CFAP58: variants seen among roughly 807,000 people sequenced by gnomAD.
The protein encoded by CFAP58 is cilia and flagella associated protein 58, also known as cilia- and flagella-associated protein 58.
In CFAP58, 88 loss-of-function variants were observed where a neutral mutation model predicts 119.5. The ratio of observed to expected loss-of-function variants is 0.74; its 90% confidence interval spans 0.62 to 0.88. The LOEUF (loss-of-function observed/expected upper bound fraction) is 0.88, where lower values mean the gene tolerates loss of function less well. Ranked by LOEUF, CFAP58 falls within the 40% of genes least tolerant of loss-of-function variation. The pLI is 0.00. For synonymous variants in CFAP58, 365 were observed against 366.3 expected (o/e 1.00, Z 0.04); for missense variants, 990 against 1,021.2 (o/e 0.97, Z 0.42).
intron 9 of CFAP58, among the ~76,000 whole-genome samples, chr10:104,381,024 C>T (rs1256576010): frequency 6.6e-6 from 1 of 151,950 alleles, no homozygotes; most frequent in African/African-American, 2.4e-5. Context: ...GTGGTGTGCT[C>T]CTATGATCCC....
intron 15 of CFAP58, among the ~76,000 whole-genome samples, chr10:104,421,240 C>A (rs1016957701): frequency 6.6e-6 from 1 of 152,212 alleles, no homozygotes; most frequent in Admixed American, 6.5e-5. Flanking sequence ...ACACCTATGA[C>A]AAGAAATGAA....
At chr10:104,409,118 T>C (rs1218283371) in intron 15 of CFAP58, among the ~76,000 whole-genome samples, 2 of 151,886 alleles carry the variant, frequency 1.3e-5, no homozygotes, top group African/African-American at 2.4e-5. Context: ...AAAAATTATT[T>C]AGTTCCTTTC....
At chr10:104,404,865 G>A (rs771205639) in intron 14 of CFAP58, among the ~76,000 whole-genome samples, 3 of 152,174 alleles carry the variant, frequency 2.0e-5, no homozygotes, top group Non-Finnish European at 2.9e-5. Context: ...CCAAAGTGCT[G>A]GGATTACAGG....
At chr10:104,377,345 G>T (rs1439866921) in intron 8 of CFAP58, among the ~76,000 whole-genome samples, 1 of 152,168 alleles carries the variant, frequency 6.6e-6, no homozygotes, top group African/African-American at 2.4e-5. Flanking sequence ...TTTCAGGGTT[G>T]CTGTAGGTTT....
intron 15 of CFAP58, among the ~76,000 whole-genome samples, chr10:104,407,023 T>C (rs1462787066): frequency 6.6e-6 from 1 of 152,246 alleles, no homozygotes; most frequent in Non-Finnish European, 1.5e-5. Context: ...CTAGACTTAC[T>C]GCAATGGGTA....
chr10:104,409,748 G>A (rs1255601947), intron 15 of CFAP58, among the ~76,000 whole-genome samples: 1 of 151,922 alleles, frequency 6.6e-6, no homozygotes, highest in Non-Finnish European at 1.5e-5. Context: ...AATTTGCCTA[G>A]TATTAACATA....
chr10:104,359,670 GC>G (rs1222847454), intron 2 of CFAP58, among the ~76,000 whole-genome samples: 1 of 152,146 alleles, frequency 6.6e-6, no homozygotes, highest in Non-Finnish European at 1.5e-5. Context: ...GGTGGCATAT[GC>G]CTGTAATCCC....
At chr10:104,350,522 G>A (rs1366451232), upstream of CFAP58, among the ~76,000 whole-genome samples, 1 of 152,126 alleles carries the variant, frequency 6.6e-6, no homozygotes, top group Non-Finnish European at 1.5e-5. Flanking sequence ...GATGCCCCCT[G>A]CATCTCTTTC....
At chr10:104,406,339 T>A (rs2012358829) in intron 14 of CFAP58, among the ~76,000 whole-genome samples, 1 of 152,184 alleles carries the variant, frequency 6.6e-6, no homozygotes, top group Non-Finnish European at 1.5e-5. Flanking sequence ...AAGTATAATG[T>A]TGTATAAAAA....
chr10:104,407,543 C>T lies in CFAP58; in HGVS notation c.2256+750C>T, dbSNP rs193150401. Among the ~76,000 whole-genome samples the T allele has an allele frequency of 3.9e-5, 6 of 152,190 alleles. No homozygotes were observed. The East Asian group carries it at 9.6e-4, about 24-fold the overall frequency. ...GCTATGTCAGTTTAACTTCATTGCA[C>T]CTGATGTTCTTAGTCTGTATTATGG... On this transcript the variant is annotated intron_variant, in intron 15 of 17. Coordinates refer to ENST00000369704, the MANE Select transcript of CFAP58 (RefSeq NM_001008723.2).
chr10:104,419,768 T>C (rs928369058), intron 15 of CFAP58, among the ~76,000 whole-genome samples: 2 of 152,146 alleles, frequency 1.3e-5, no homozygotes, highest in African/African-American at 4.8e-5. Flanking sequence ...GGAGATTATA[T>C]TAACATATAT....
chr10:104,353,583 G>C (rs1042503594), upstream of CFAP58: 1 of 403,136 alleles, frequency 2.5e-6, no homozygotes, highest in Non-Finnish European at 4.6e-6. Context: ...CCCACACCGT[G>C]GGACTCCTCC....
At chr10:104,440,691 A>G (rs968400685) in intron 15 of CFAP58, among the ~76,000 whole-genome samples, 1 of 152,236 alleles carries the variant, frequency 6.6e-6, no homozygotes. Flanking sequence ...TAATCGTCAT[A>G]GAGACAATGG....
intron 17 of CFAP58, among the ~76,000 whole-genome samples, chr10:104,452,682 G>T (rs1326725624): frequency 6.6e-6 from 1 of 152,236 alleles, no homozygotes; most frequent in South Asian, 2.1e-4. Flanking sequence ...CAGTTCCTCA[G>T]TCTCACTAGT....
At chr10:104,399,061 G>A (rs1345845653) in intron 11 of CFAP58, among the ~76,000 whole-genome samples, 1 of 152,092 alleles carries the variant, frequency 6.6e-6, no homozygotes, top group Non-Finnish European at 1.5e-5. Flanking sequence ...ATGAAGTGCT[G>A]CTGAATACCA....
chr10:104,400,938 G>GT, intron 13 of CFAP58, 35 bp downstream of exon 13: 1 of 1,503,338 alleles, frequency 6.7e-7, no homozygotes, highest in Non-Finnish European at 9.2e-7. Context: ...TGAAGGCACA[G>GT]TGCAACGTGG....
chr10:104,448,626 C>T (rs1039991763), intron 16 of CFAP58, among the ~76,000 whole-genome samples: 10 of 152,158 alleles, frequency 6.6e-5, no homozygotes, highest in African/African-American at 2.4e-4. Flanking sequence ...AAAATATATG[C>T]CACCCTACTA....
At chr10:104,413,743 CATCATCAAG>C (rs995466451) in intron 15 of CFAP58, among the ~76,000 whole-genome samples, 1 of 149,916 alleles carries the variant, frequency 6.7e-6, no homozygotes, top group African/African-American at 2.5e-5. Flanking sequence ...TCATCATCAT[CATCATCAAG>C]ATGGCATTTC....
rs1385889275 is a variant in CFAP58 at position 104,400,712 on chromosome 10, G to A, written c.1848G>A (p.Gln616=). The change falls in exon 13 of 18, where the codon CAG becomes CAA. Residue 616 remains glutamine (Q), a synonymous_variant. Coordinates refer to ENST00000369704, the MANE Select transcript of CFAP58 (RefSeq NM_001008723.2). ...GTGAGAGAGATATCCTGGGGTCTCA[G>A]CTTGTTCGGCGCAATGATGAGTTAG... The part of the protein sequence containing the change: ...VISERDILGS[Q]LVRRNDELAL... The A allele has an allele frequency of 3.1e-6, 5 of 1,613,976 alleles. No homozygotes were observed. Among genetic ancestry groups the A allele is most frequent in the Non-Finnish European group, 4.2e-6 (5 of 1,180,034 alleles).
Sources: gnomAD v4.1 joint callset for allele counts (sites outside exome capture counted in the v4.1 genomes callset) on GRCh38, gnomAD v4.1.1 for gene constraint, MANE v1.5 for transcripts, NCBI Gene and HGNC (gene_info 2026-07-23, HGNC 2026-07-21) for gene names.